The following CSMD1 variants were observed in gnomAD, a reference collection of about 807,000 sequenced individuals.
The protein encoded by CSMD1 is CUB and Sushi multiple domains 1.
CSMD1 carries 213 observed loss-of-function variants against 417.5 expected under a neutral mutation model. That is an observed-to-expected ratio of 0.51 (90% CI 0.46 to 0.57). The LOEUF (loss-of-function observed/expected upper bound fraction) is 0.57. CSMD1 is among the 20% of genes least tolerant of loss of function. The probability of loss-of-function intolerance (pLI) is 0.00; values close to 1 mark genes in which losing one functional copy is unlikely to be tolerated. For synonymous variants in CSMD1, 2,862 were observed against 1,736.8 expected (o/e 1.65, Z -16.11); for missense variants, 6,923 against 4,529.7 (o/e 1.53, Z -15.17).
At position 4,124,200 on chromosome 8, in the gene CSMD1, A is replaced by G. The variant is rs78973719; in HGVS notation, c.416-92101T>C. ...GGAAGTGGGGGTGGGCAGTACGACC[A>G]GGAGGAAGCTTCAGGGCTCCTGGGC... On this transcript the variant is annotated intron_variant, in intron 3 of 69. Transcript: ENST00000635120. Among the ~76,000 whole-genome samples, 6 of 152,240 alleles carry G rather than the reference A, an allele frequency of 3.9e-5. No individual in the cohort carries two copies. In the East Asian group the frequency reaches 1.2e-3, roughly 30 times the overall value.
chr8:4,975,823 A>T (rs1810526140), intron 1 of CSMD1, among the ~76,000 whole-genome samples: 1 of 147,110 alleles, frequency 6.8e-6, no homozygotes, highest in South Asian at 2.3e-4. Flanking sequence ...TTTTTGCAAT[A>T]ATAGAAAAAA....
chr8:4,501,139 C>A (rs942089484), intron 2 of CSMD1, among the ~76,000 whole-genome samples: 1 of 151,990 alleles, frequency 6.6e-6, no homozygotes, highest in Non-Finnish European at 1.5e-5. Context: ...ATAATGATAT[C>A]TCACATATAT....
At chr8:4,622,826 T>C (rs1226389693) in intron 2 of CSMD1, among the ~76,000 whole-genome samples, 2 of 152,152 alleles carry the variant, frequency 1.3e-5, no homozygotes, top group Admixed American at 1.3e-4. Context: ...TTGAGCTGCC[T>C]CTCTTTGCAG....
chr8:3,436,940 G>A (rs1814603826), intron 12 of CSMD1, among the ~76,000 whole-genome samples: 1 of 152,068 alleles, frequency 6.6e-6, no homozygotes, highest in African/African-American at 2.4e-5. Context: ...AAAAAAGAGT[G>A]TGAAGCTAAA....
chr8:4,295,434 A>G (rs1167606001), intron 3 of CSMD1, among the ~76,000 whole-genome samples: 1 of 144,402 alleles, frequency 6.9e-6, no homozygotes, highest in Non-Finnish European at 1.5e-5. Flanking sequence ...TAATCTTAAG[A>G]TATATATAAT....
At position 4,435,604 on chromosome 8, in the gene CSMD1, G is replaced by A. The variant is rs556778157; in HGVS notation, c.303-15539C>T. 2.5e-3 allele frequency among the ~76,000 whole-genome samples: 373 copies of A among 152,206 alleles called. 3 individuals are homozygous for A. Among genetic ancestry groups the A allele is most frequent in the African/African-American group, 8.6e-3 (358 of 41,532 alleles). On this transcript the variant is annotated intron_variant, in intron 2 of 69. Coordinates refer to ENST00000635120, the MANE Select transcript of CSMD1 (RefSeq NM_033225.6). ...AGGAATCATGGAATCTGCTCTTCAC[G>A]GCACATGAGTGAATGGTGGAAGCTA...
intron 49 of CSMD1, among the ~76,000 whole-genome samples, chr8:3,067,571 C>T (rs1350671211): frequency 6.6e-6 from 1 of 151,192 alleles, no homozygotes; most frequent in African/African-American, 2.4e-5. Flanking sequence ...ACTCTAATGT[C>T]ACCATCCTTC....
intron 3 of CSMD1, among the ~76,000 whole-genome samples, chr8:4,118,170 GT>G (rs919935012): frequency 3.9e-5 from 6 of 152,080 alleles, no homozygotes; most frequent in African/African-American, 1.4e-4. Context: ...AGAGGGGTGT[GT>G]TGGTACATTT....
In CSMD1 at chr8:3,439,281, GTATATATATA is replaced by G. The variant is rs1168340584; in HGVS notation, c.1561+29421_1561+29430del. Among the ~76,000 whole-genome samples, 75 of 54,336 alleles carry G rather than the reference GTATATATATA, an allele frequency of 1.4e-3. 2 individuals carry two copies. Among genetic ancestry groups the G allele is most frequent in the East Asian group, 7.2e-3 (13 of 1,812 alleles). The allele number at this position is 54,336 out of a possible 152,430, so 35.6% of individuals were successfully genotyped here. On this transcript the variant is annotated intron_variant, in intron 12 of 69. Coordinates refer to ENST00000635120, the MANE Select transcript of CSMD1 (RefSeq NM_033225.6). ...TATTTGAGAGCATTTGGCAATGTCA[GTATATATATA>G]TATATATATATATATATATTTTTTT...
At chr8:3,886,858 A>G (rs2688385) in intron 5 of CSMD1, among the ~76,000 whole-genome samples, 5,061 of 152,274 alleles carry the variant, frequency 0.033, 286 homozygotes, top group African/African-American at 0.12. Flanking sequence ...TCTGCCCTCA[A>G]TGGCTACACT....
At chr8:4,650,030 G>A (rs1046327199) in intron 1 of CSMD1, among the ~76,000 whole-genome samples, 1 of 152,132 alleles carries the variant, frequency 6.6e-6, no homozygotes. Flanking sequence ...TATCATGTCT[G>A]GGATGAGACA....
chr8:3,390,566 C>T (rs557198560), intron 17 of CSMD1, among the ~76,000 whole-genome samples: 36 of 152,012 alleles, frequency 2.4e-4, no homozygotes, highest in African/African-American at 8.2e-4. Flanking sequence ...TTTGTTGAAA[C>T]GACGTGTATA....
intron 3 of CSMD1, among the ~76,000 whole-genome samples, chr8:4,172,841 G>A (rs1031051643): frequency 6.6e-6 from 1 of 152,102 alleles, no homozygotes; most frequent in Non-Finnish European, 1.5e-5. Context: ...AAGGGACTGA[G>A]GGCTGTCCAC....
intron 51 of CSMD1, among the ~76,000 whole-genome samples, chr8:3,020,763 T>C (rs563172353): frequency 2.0e-4 from 30 of 152,076 alleles, no homozygotes; most frequent in Admixed American, 3.3e-4. Context: ...TACCAGAAAT[T>C]GGGAGGTCCA....
intron 1 of CSMD1, among the ~76,000 whole-genome samples, chr8:4,852,930 T>C (rs1363659764): frequency 2.0e-5 from 3 of 152,166 alleles, no homozygotes; most frequent in Non-Finnish European, 4.4e-5. Flanking sequence ...AGAGGGTACA[T>C]GGCAGAAGGA....
chr8:4,287,718 T>G (rs1797140984), intron 3 of CSMD1, among the ~76,000 whole-genome samples: 1 of 151,490 alleles, frequency 6.6e-6, no homozygotes, highest in East Asian at 1.9e-4. Context: ...AAGAGAGGGT[T>G]AGCAAGTTAC....
chr8:3,410,375 G>C (rs1170042936), intron 12 of CSMD1, among the ~76,000 whole-genome samples: 1 of 152,218 alleles, frequency 6.6e-6, no homozygotes, highest in East Asian at 1.9e-4. Flanking sequence ...TGATTTGGCT[G>C]TGTCCCCACC....
chr8:4,200,307 G>A (rs1799572914), intron 3 of CSMD1, among the ~76,000 whole-genome samples: 1 of 152,048 alleles, frequency 6.6e-6, no homozygotes, highest in African/African-American at 2.4e-5. Context: ...ATTATGCTTA[G>A]AGTGTCACTT....
chr8:3,859,446 T>C (rs1286175185), intron 5 of CSMD1, among the ~76,000 whole-genome samples: 2 of 152,216 alleles, frequency 1.3e-5, no homozygotes, highest in Non-Finnish European at 2.9e-5. Flanking sequence ...ACCTCAGAAA[T>C]GCCTGGACTT....
Sources: allele counts gnomAD v4.1 joint callset (sites outside exome capture counted in the v4.1 genomes callset), GRCh38; gene constraint gnomAD v4.1.1; transcripts MANE v1.5; gene names NCBI Gene and HGNC (gene_info 2026-07-23, HGNC 2026-07-21).